Variants in STX6 observed in about 807,000 individuals in gnomAD.
STX6 encodes syntaxin-6.
Under a neutral mutation model 38.0 loss-of-function variants are expected in STX6, and 23 were observed. The observed-to-expected ratio is 0.60, with a 90% CI of 0.43 to 0.86. The LOEUF (loss-of-function observed/expected upper bound fraction) is 0.86, where lower values mean the gene tolerates loss of function less well. STX6 is among the 40% of genes least tolerant of loss of function. STX6 has a pLI of 0.00. For synonymous variants in STX6, 123 were observed against 107.5 expected (o/e 1.14, Z -0.89); for missense variants, 274 against 312.9 (o/e 0.88, Z 0.94).
At position 181,005,370 on chromosome 1, in the gene STX6, G is replaced by T. The variant is rs146443317; in HGVS notation, c.129C>A (p.Ile43=). ...TTCTCAGCTCGTTGGTGGTCCAGTCGATTTCTTCCCTTGTTGCTGTGGAGG... is the reference window on the plus strand; with the variant it reads ...TTCTCAGCTCGTTGGTGGTCCAGTCTATTTCTTCCCTTGTTGCTGTGGAGG... The part of the protein sequence containing the change: ...QDPSTATREE[I]DWTTNELRNN... The change falls in exon 2 of 8, where the codon ATC becomes ATA. Residue 43 remains isoleucine, a synonymous_variant. Transcript: ENST00000258301. The T allele has an allele frequency of 1.2e-6, 2 of 1,614,072 alleles. No homozygotes were observed. Among genetic ancestry groups the T allele is most frequent in the Admixed American group, 1.7e-5 (1 of 60,016 alleles).
intron 1 of STX6, among the ~76,000 whole-genome samples, chr1:181,018,503 A>T (rs1025533776): frequency 1.3e-5 from 2 of 150,526 alleles, no homozygotes; most frequent in African/African-American, 4.9e-5. Flanking sequence ...TTTGTAATAA[A>T]TATATAAATC....
chr1:180,981,906 G>A (rs1655429149), intron 7 of STX6, among the ~76,000 whole-genome samples: 2 of 152,138 alleles, frequency 1.3e-5, no homozygotes, highest in African/African-American at 4.8e-5. Context: ...AAAAGTCAGA[G>A]CGGAACAAAA....
At chr1:180,997,365 A>T (rs529527259) in intron 3 of STX6, among the ~76,000 whole-genome samples, 1 of 152,350 alleles carries the variant, frequency 6.6e-6, no homozygotes, top group South Asian at 2.1e-4. Flanking sequence ...ATTTTACTTT[A>T]ATTAATTGAT....
At chr1:181,005,260 TC>T in intron 2 of STX6, 33 bp downstream of exon 2, 1 of 1,587,080 alleles carries the variant, frequency 6.3e-7, no homozygotes, top group African/African-American at 1.3e-5. Flanking sequence ...TGTCTATTTA[TC>T]CCGAATGGCA....
chr1:181,022,488 T>C (rs1171668401), intron 1 of STX6, 151 bp downstream of exon 1: 1 of 746,640 alleles, frequency 1.3e-6, no homozygotes, highest in African/African-American at 1.8e-5. Flanking sequence ...TCTTGACGCT[T>C]GGTCATGGCC....
chr1:180,975,899 T>C lies in STX6; in HGVS notation c.*671A>G, dbSNP rs1655233416. 6.6e-6 allele frequency: 1 copy of C among 152,430 alleles called. No homozygotes were observed. The highest frequency in any genetic ancestry group is 1.5e-5 in the Non-Finnish European group (1 of 68,042). 9.4% of individuals were successfully genotyped at this position (152,430 alleles called of 1,614,324 possible). On this transcript the variant is annotated 3_prime_UTR_variant, in exon 8 of 8. Transcript: ENST00000258301. Reference sequence around the variant, plus strand: ...TGCTCCTGTCAGTTAAAGCCACAAGTTGTTAGCACCCCCAAACCCCAGGGT... The same window carrying C: ...TGCTCCTGTCAGTTAAAGCCACAAGCTGTTAGCACCCCCAAACCCCAGGGT...
chr1:180,991,664 T>G (rs1302858777), intron 4 of STX6, among the ~76,000 whole-genome samples: 1 of 152,224 alleles, frequency 6.6e-6, no homozygotes, highest in Admixed American at 6.5e-5. Flanking sequence ...AGGATAGAGA[T>G]TGAGAGAGGG....
chr1:180,978,730 T>A (rs766520651), intron 7 of STX6, among the ~76,000 whole-genome samples: 2 of 151,974 alleles, frequency 1.3e-5, no homozygotes, highest in Non-Finnish European at 2.9e-5. Context: ...CACCTAACAG[T>A]AGAAAAACTG....
chr1:181,018,202 G>A (rs1012483358), intron 1 of STX6, among the ~76,000 whole-genome samples: 1 of 151,824 alleles, frequency 6.6e-6, no homozygotes, highest in African/African-American at 2.4e-5. Context: ...TGGCTAACAG[G>A]GTGAAATGCC....
intron 4 of STX6, among the ~76,000 whole-genome samples, chr1:180,992,240 A>G (rs1447169593): frequency 6.6e-6 from 1 of 152,162 alleles, no homozygotes; most frequent in Non-Finnish European, 1.5e-5. Flanking sequence ...AAGGAGGCAA[A>G]TAAGATTAAA....
rs1325164219 is a variant in STX6, at chr1:180,976,426, T to C, written c.*144A>G. 4 of 731,084 alleles carry C rather than the reference T, an allele frequency of 5.5e-6. No homozygotes were observed. The highest frequency in any genetic ancestry group is 1.7e-5 in the African/African-American group (1 of 57,900). 45.3% of individuals were successfully genotyped at this position (731,084 alleles called of 1,614,324 possible). ...CGCTGGGATGGAGGAGCCATGTCAATTGTGGGGTCACACGGAGAAAAGTCA... is the reference window on the plus strand; with the variant it reads ...CGCTGGGATGGAGGAGCCATGTCAACTGTGGGGTCACACGGAGAAAAGTCA... On this transcript the variant is annotated 3_prime_UTR_variant, in exon 8 of 8. Transcript: ENST00000258301.
At chr1:181,020,891 T>G (rs1424446506) in intron 1 of STX6, among the ~76,000 whole-genome samples, 1 of 152,200 alleles carries the variant, frequency 6.6e-6, no homozygotes, top group African/African-American at 2.4e-5. Context: ...ATACTTTTAA[T>G]AAACACAGGT....
At chr1:180,997,242 T>C (rs1655940561) in intron 3 of STX6, among the ~76,000 whole-genome samples, 1 of 152,216 alleles carries the variant, frequency 6.6e-6, no homozygotes, top group Non-Finnish European at 1.5e-5. Context: ...TCAATAAACA[T>C]TATCAGCAAA....
intron 7 of STX6, among the ~76,000 whole-genome samples, chr1:180,981,465 C>T (rs1239760439): frequency 6.6e-6 from 1 of 152,146 alleles, no homozygotes; most frequent in African/African-American, 2.4e-5. Flanking sequence ...CAACCCCGCC[C>T]TCAACCTCAC....
rs562619523 is a variant in STX6, at chr1:180,988,172, T to C, written c.596+67A>G. 40 of 1,134,070 alleles carry C rather than the reference T, an allele frequency of 3.5e-5. No homozygotes were observed. In the African/African-American group the frequency reaches 5.4e-4, roughly 15 times the overall value. The allele number at this position is 1,134,070 out of a possible 1,614,324, so 70.3% of individuals were successfully genotyped here. A position where few individuals can be genotyped will look rare whatever the true frequency, so the allele number is the denominator to read the frequency against. On this transcript the variant is annotated intron_variant, in intron 6 of 7. Transcript: ENST00000258301. The stretch of plus-strand genomic sequence containing the variant: ...CCAGCCACGTAGCTGCCAGGCTTTT[T>C]AGGGGTGTCATAGGATGGCTCTGCC...
chr1:180,974,947 GAT>G lies in STX6; in HGVS notation c.*1621_*1622del, dbSNP rs1250662557. The G allele has an allele frequency of 1.3e-5, 2 of 152,464 alleles. No homozygotes were observed. Among genetic ancestry groups the G allele is most frequent in the Non-Finnish European group, 2.9e-5 (2 of 68,008 alleles). The allele number at this position is 152,464 out of a possible 1,614,324, so 9.4% of individuals were successfully genotyped here. On this transcript the variant is annotated 3_prime_UTR_variant, in exon 8 of 8. Transcript: ENST00000258301. ...CTTAACCTACCATGATCTCAAATGA[GAT>G]AAAATATCCTTCTTCAAAAATTGTT... is the stretch of plus-strand genomic sequence containing the variant.
In STX6 at chr1:181,022,653, G is replaced by A; in HGVS notation, c.21C>T (p.Phe7=). ...CCGACACTCACCCTTTCACCACAAA[G>A]AAGGGGTCCTCCATGGACATGGCGT... MSMEDP[F]FVVKGEVQKA... The change falls in exon 1 of 8, where the codon TTC becomes TTT. Residue 7 remains phenylalanine, a synonymous_variant. Coordinates refer to ENST00000258301, the MANE Select transcript of STX6 (RefSeq NM_005819.6). The A allele has an allele frequency of 6.2e-7, 1 of 1,610,840 alleles. No homozygotes were observed. The highest frequency in any genetic ancestry group is 8.5e-7 in the Non-Finnish European group (1 of 1,178,684).
At position 180,976,573 on chromosome 1, in the gene STX6, CA is replaced by C. The variant is rs1250225083; in HGVS notation, c.764del (p.Leu255ArgfsTer42). 6.2e-7 allele frequency: 1 copy of C among 1,613,666 alleles called. No individual in the cohort carries two copies. The highest frequency in any genetic ancestry group is 8.5e-7 in the Non-Finnish European group (1 of 1,179,968). On this transcript the variant is annotated frameshift_variant, in exon 8 of 8. Transcript: ENST00000258301. LOFTEE classifies it high-confidence loss of function. ...CTCGCACCCAGAGGCCCCGCCGTCA[CA>C]GCACTAAGAAGAGGATGAGCACAAC... The part of the protein sequence containing the change: ...LLVVLILFLV[L>X]
chr1:181,009,296 A>G (rs1656326946), intron 1 of STX6, among the ~76,000 whole-genome samples: 1 of 151,916 alleles, frequency 6.6e-6, no homozygotes, highest in Non-Finnish European at 1.5e-5. Context: ...GTAAAACCCC[A>G]TCTCTACTAA....
Sources: allele counts gnomAD v4.1 joint callset (sites outside exome capture counted in the v4.1 genomes callset), GRCh38; gene constraint gnomAD v4.1.1; transcripts MANE v1.5; gene names NCBI Gene and HGNC (gene_info 2026-07-23, HGNC 2026-07-21).